The following OPRL1 variants were observed in gnomAD, a reference collection of about 807,000 sequenced individuals.
OPRL1 encodes the protein opioid related nociceptin receptor 1, also known as nociceptin receptor.
In OPRL1, 5 loss-of-function variants were observed where a neutral mutation model predicts 15.5. The ratio of observed to expected loss-of-function variants is 0.32; its 90% confidence interval spans 0.17 to 0.68. The LOEUF (loss-of-function observed/expected upper bound fraction) is 0.68, where lower values mean the gene tolerates loss of function less well. Ranked by LOEUF, OPRL1 falls within the 30% of genes least tolerant of loss-of-function variation. OPRL1 has a pLI of 0.72. For missense variants in OPRL1, 406 were observed against 515.3 expected, an observed-to-expected ratio of 0.79 and a Z score of 2.05; for synonymous variants, 223 against 230.2, an observed-to-expected ratio of 0.97 and a Z score of 0.28.
At chr20:64,093,509 G>T (rs1221113529) in intron 3 of OPRL1, among the ~76,000 whole-genome samples, 1 of 10,280 alleles carries the variant, frequency 9.7e-5, no homozygotes, top group Non-Finnish European at 2.4e-4. Context: ...GGCAGTGTGT[G>T]GGGGGCGGTG....
At chr20:64,087,764 T>C (rs1200820570) in intron 1 of OPRL1, among the ~76,000 whole-genome samples, 2 of 152,284 alleles carry the variant, frequency 1.3e-5, no homozygotes, top group African/African-American at 4.8e-5. Flanking sequence ...TGCCTCTTGC[T>C]ATCTCTTGTG....
chr20:64,081,434 T>C (rs2145560268), intron 1 of OPRL1, among the ~76,000 whole-genome samples: 1 of 152,282 alleles, frequency 6.6e-6, no homozygotes, highest in East Asian at 1.9e-4. Context: ...TGTGGGAAAA[T>C]GCAGCTGTGG....
In OPRL1 at chr20:64,084,449, G is replaced by A. The variant is rs143017973; in HGVS notation, c.-185+4097G>A. 2,947 of 1,120,192 alleles carry A rather than the reference G, an allele frequency of 2.6e-3. 104 individuals carry two copies. In the South Asian group the frequency reaches 0.072, roughly 28 times the overall value. The allele number at this position is 1,120,192 out of a possible 1,614,324, so 69.4% of individuals were successfully genotyped here. On this transcript the variant is annotated intron_variant, in intron 1 of 4. Transcript: ENST00000336866. ...CCATCGGCTGATCCTGCTCAGTCCTGCAGTCAACTAGGACTTTCTGATCAA... is the reference window on the plus strand; with the variant it reads ...CCATCGGCTGATCCTGCTCAGTCCTACAGTCAACTAGGACTTTCTGATCAA...
At chr20:64,092,581 C>T (rs1376615806) in intron 2 of OPRL1, 107 bp from the exon 3 acceptor site, 1 of 773,392 alleles carries the variant, frequency 1.3e-6, no homozygotes, top group African/African-American at 1.8e-5. Flanking sequence ...CTGTGGCTGC[C>T]CAGCGTGGGG....
In OPRL1 at chr20:64,099,124, C is replaced by CTT. The variant is rs1181995719; in HGVS notation, c.*325_*326insTT. The CTT allele has an allele frequency of 8.1e-5, 32 of 392,794 alleles. No individual in the cohort carries two copies. Among genetic ancestry groups the CTT allele is most frequent in the African/African-American group, 4.9e-4 (24 of 48,900 alleles). 24.3% of individuals were successfully genotyped at this position (392,794 alleles called of 1,614,324 possible). ...TGGACGGCCGTGACTGGAGCCCGTGCCCCTCCCTCCCCGTGCTTCATGTGA... is the reference window on the plus strand; with the variant it reads ...TGGACGGCCGTGACTGGAGCCCGTGCTTCCCTCCCTCCCCGTGCTTCATGTGA... On this transcript the variant is annotated 3_prime_UTR_variant, in exon 5 of 5. Coordinates refer to ENST00000336866, the MANE Select transcript of OPRL1 (RefSeq NM_182647.4).
At position 64,097,212 on chromosome 20, in the gene OPRL1, C is replaced by G. The variant is rs146045212; in HGVS notation, c.234-590C>G. Reference sequence around the variant, plus strand: ...TTAATCACCAACGATTTTCCCAGCCCTTTCCAGCACCATTTCAGGTGCTTG... The same window carrying G: ...TTAATCACCAACGATTTTCCCAGCCGTTTCCAGCACCATTTCAGGTGCTTG... On this transcript the variant is annotated intron_variant, in intron 3 of 4. Coordinates refer to ENST00000336866, the MANE Select transcript of OPRL1 (RefSeq NM_182647.4). This position sits in a 1 kb window ranked among gnomAD's most constrained non-coding sequence, Gnocchi z 4.2. Among the ~76,000 whole-genome samples, 292 of 152,288 alleles carry G rather than the reference C, an allele frequency of 1.9e-3. 1 individual carries two copies. Among genetic ancestry groups the G allele is most frequent in the African/African-American group, 6.7e-3 (279 of 41,540 alleles).
Position 64,083,675 on chromosome 20 carries a change from G to A in OPRL1, c.-185+3323G>A. 1 of 1,428,660 alleles carries A rather than the reference G, an allele frequency of 7.0e-7. No individual in the cohort carries two copies. The highest frequency in any genetic ancestry group is 9.1e-7 in the Non-Finnish European group (1 of 1,098,474). 88.5% of individuals were successfully genotyped at this position (1,428,660 alleles called of 1,614,324 possible). A position where few individuals can be genotyped will look rare whatever the true frequency, so the allele number is the denominator to read the frequency against. The stretch of plus-strand genomic sequence containing the variant: ...CGGATGGCGGCGCGCGCGGACTTCT[G>A]CCGCTGGATGAGCAGCGCGATCTCC... On this transcript the variant is annotated intron_variant, in intron 1 of 4. Coordinates refer to ENST00000336866, the MANE Select transcript of OPRL1 (RefSeq NM_182647.4). This position sits in a 1 kb window ranked among gnomAD's most constrained non-coding sequence, Gnocchi z 4.9.
chr20:64,085,676 G>A (rs532377140), intron 1 of OPRL1, among the ~76,000 whole-genome samples: 6 of 152,104 alleles, frequency 3.9e-5, no homozygotes, highest in Non-Finnish European at 1.5e-5. Context: ...CGAGATGTCT[G>A]TACTCTCTCT....
chr20:64,096,227 G>C (rs1979095320), intron 3 of OPRL1, among the ~76,000 whole-genome samples: 1 of 152,124 alleles, frequency 6.6e-6, no homozygotes, highest in South Asian at 2.1e-4. Context: ...AGACAGGGAA[G>C]GTCCTCTGCT....
In OPRL1 at chr20:64,083,233, C is replaced by T; in HGVS notation, c.-185+2881C>T. The T allele has an allele frequency of 1.5e-6, 1 of 685,430 alleles. No individual in the cohort carries two copies. The allele number at this position is 685,430 out of a possible 1,614,324, so 42.5% of individuals were successfully genotyped here. A position where few individuals can be genotyped will look rare whatever the true frequency, so the allele number is the denominator to read the frequency against. ...GTCCCTGACCTGTTACTTTCACACC[C>T]ACCCACTTGCGTCTCCCCACTTTTT... On this transcript the variant is annotated intron_variant, in intron 1 of 4. Transcript: ENST00000336866. This position sits in a 1 kb window ranked among gnomAD's most constrained non-coding sequence, Gnocchi z 4.9.
Position 64,098,733 on chromosome 20 carries a change from G to A in OPRL1, c.1047G>A (p.Val349=), listed in dbSNP as rs751635436. ...LRRDVQVSDR[V]RSIAKDVALA... ...GGGACGTGCAGGTGTCTGACCGCGT[G>A]CGCAGCATTGCCAAGGACGTGGCCC... is the stretch of plus-strand genomic sequence containing the variant. The change falls in exon 5 of 5, where the codon GTG becomes GTA. Residue 349 remains valine, a synonymous_variant. Coordinates refer to ENST00000336866, the MANE Select transcript of OPRL1 (RefSeq NM_182647.4). 6.2e-6 allele frequency: 10 copies of A among 1,611,204 alleles called. No individual in the cohort carries two copies. The South Asian group carries it at 9.9e-5, about 16-fold the overall frequency.
At chr20:64,095,266 T>A in intron 3 of OPRL1, among the ~76,000 whole-genome samples, 1 of 40,086 alleles carries the variant, frequency 2.5e-5, no homozygotes. Context: ...GGGGATAGTG[T>A]GGGGGGGATA....
rs1458699130 is a variant in OPRL1 at position 64,083,876 on chromosome 20, T to A, written c.-185+3524T>A. 2 of 1,436,448 alleles carry A rather than the reference T, an allele frequency of 1.4e-6. No homozygotes were observed. The highest frequency in any genetic ancestry group is 1.8e-6 in the Non-Finnish European group (2 of 1,102,118). The allele number at this position is 1,436,448 out of a possible 1,614,324, so 89.0% of individuals were successfully genotyped here. On this transcript the variant is annotated intron_variant, in intron 1 of 4. Transcript: ENST00000336866. This position sits in a 1 kb window ranked among gnomAD's most constrained non-coding sequence, Gnocchi z 4.9. ...GACTCGCCCGCGGGCCTCCGCTGCC[T>A]TGAGGACGCCGAGGAGCCGGTTCTG...
In OPRL1 at chr20:64,083,424, C is replaced by G. The variant is rs138907471; in HGVS notation, c.-185+3072C>G. 270 of 1,611,754 alleles carry G rather than the reference C, an allele frequency of 1.7e-4. 1 individual carries two copies. The highest frequency in any genetic ancestry group is 2.1e-4 in the Non-Finnish European group (251 of 1,179,624). On this transcript the variant is annotated intron_variant, in intron 1 of 4. Transcript: ENST00000336866. This position sits in a 1 kb window ranked among gnomAD's most constrained non-coding sequence, Gnocchi z 4.9. ...GGGAGGCTGGGGCGCGTCGCACACT[C>G]TCAGTCGCCGTCACCGCGGGAAGAT... is the stretch of plus-strand genomic sequence containing the variant.
chr20:64,098,786 C>A lies in OPRL1; in HGVS notation c.1100C>A (p.Pro367Gln). 2 of 1,596,270 alleles carry A rather than the reference C, an allele frequency of 1.3e-6. No homozygotes were observed. The highest frequency in any genetic ancestry group is 8.5e-7 in the Non-Finnish European group (1 of 1,176,396). Residue 367 changes from proline to glutamine, a missense_variant, in exon 5 of 5, where the codon CCG becomes CAG. Pro to Gln is a moderately conservative substitution (Grantham distance 76). Transcript: ENST00000336866. ...GCCTGCAAGACCTCTGAGACGGTACCGCGGCCCGCATGACTAGGCGTGGAC... is the reference window on the plus strand; with the variant it reads ...GCCTGCAAGACCTCTGAGACGGTACAGCGGCCCGCATGACTAGGCGTGGAC... ...ALACKTSETV[P>Q]RPA
chr20:64,082,738 C>T lies in OPRL1; in HGVS notation c.-185+2386C>T, dbSNP rs959700479. Among the ~76,000 whole-genome samples, 3 of 139,846 alleles carry T rather than the reference C, an allele frequency of 2.1e-5. No homozygotes were observed. The Admixed American group carries it at 2.3e-4, about 11-fold the overall frequency. 91.7% of individuals were successfully genotyped at this position (139,846 alleles called of 152,430 possible). On this transcript the variant is annotated intron_variant, in intron 1 of 4. Coordinates refer to ENST00000336866, the MANE Select transcript of OPRL1 (RefSeq NM_182647.4). ...TTCAGAGTCCAGGGATTTTGTAGGT[C>T]GTGGGCCTGTTTGTCAGAATGGGAC... is the stretch of plus-strand genomic sequence containing the variant.
At chr20:64,082,578 TC>T (rs780911064) in intron 1 of OPRL1, among the ~76,000 whole-genome samples, 28 of 152,244 alleles carry the variant, frequency 1.8e-4, no homozygotes, top group African/African-American at 6.3e-4. Flanking sequence ...GTTCCTGCGG[TC>T]CCGCTTCTGT....
At position 64,083,709 on chromosome 20, in the gene OPRL1, C is replaced by G; in HGVS notation, c.-185+3357C>G. On this transcript the variant is annotated intron_variant, in intron 1 of 4. Coordinates refer to ENST00000336866, the MANE Select transcript of OPRL1 (RefSeq NM_182647.4). The surrounding 1 kb of genome is among the most constrained non-coding windows in gnomAD (Gnocchi z 4.9). ...TGAGCAGCGCGATCTCCTCGGCCTGCGGGGCCCGGGTAGCTGAGCGCGCGC... is the reference window on the plus strand; with the variant it reads ...TGAGCAGCGCGATCTCCTCGGCCTGGGGGGCCCGGGTAGCTGAGCGCGCGC... 7.3e-7 allele frequency: 1 copy of G among 1,378,214 alleles called. No homozygotes were observed. The highest frequency in any genetic ancestry group is 9.3e-7 in the Non-Finnish European group (1 of 1,074,994). The allele number at this position is 1,378,214 out of a possible 1,614,324, so 85.4% of individuals were successfully genotyped here. A position where few individuals can be genotyped will look rare whatever the true frequency, so the allele number is the denominator to read the frequency against.
At chr20:64,085,840 G>A (rs994369550) in intron 1 of OPRL1, among the ~76,000 whole-genome samples, 11 of 152,170 alleles carry the variant, frequency 7.2e-5, no homozygotes, top group Non-Finnish European at 1.3e-4. Flanking sequence ...TTGGGAGACT[G>A]CCCTGGCCTC....
Sources: gnomAD v4.1 joint callset for allele counts (sites outside exome capture counted in the v4.1 genomes callset) on GRCh38, gnomAD v4.1.1 for gene constraint, Gnocchi (gnomAD v3.1) non-coding constraint, MANE v1.5 for transcripts, NCBI Gene and HGNC (gene_info 2026-07-23, HGNC 2026-07-21) for gene names.